Variants in ZNF391 observed in about 807,000 individuals in gnomAD.
The protein encoded by ZNF391 is zinc finger protein 391.
For missense variants in ZNF391, 375 were observed against 425.5 expected, an observed-to-expected ratio of 0.88 and a Z score of 1.04; for synonymous variants, 126 against 142.1, an observed-to-expected ratio of 0.89 and a Z score of 0.80.
chr6:27,395,357 C>T (rs1292149380), intron 1 of ZNF391, among the ~76,000 whole-genome samples: 1 of 151,538 alleles, frequency 6.6e-6, no homozygotes, highest in Non-Finnish European at 1.5e-5. Context: ...TGTGTAAAAG[C>T]GTGTCATCTC....
At chr6:27,398,752 G>A (rs576853246) in intron 1 of ZNF391, among the ~76,000 whole-genome samples, 6 of 152,184 alleles carry the variant, frequency 3.9e-5, no homozygotes, top group South Asian at 2.1e-4. Flanking sequence ...CCAGCTACTC[G>A]GGAGGCTGAG....
chr6:27,396,432 A>G (rs1262196553), intron 1 of ZNF391, among the ~76,000 whole-genome samples: 1 of 148,838 alleles, frequency 6.7e-6, no homozygotes, highest in Non-Finnish European at 1.5e-5. Flanking sequence ...AAACAAAAAA[A>G]TGTATATTTT....
chr6:27,393,352 C>T (rs1761757446), intron 1 of ZNF391, among the ~76,000 whole-genome samples: 1 of 152,160 alleles, frequency 6.6e-6, no homozygotes, highest in Non-Finnish European at 1.5e-5. Flanking sequence ...TACCTCTCCA[C>T]CTCTTCTCCT....
intron 1 of ZNF391, among the ~76,000 whole-genome samples, chr6:27,390,255 G>T (rs2113648380): frequency 6.6e-6 from 1 of 152,284 alleles, no homozygotes; most frequent in African/African-American, 2.4e-5. Context: ...AATGTCAAAA[G>T]AATTTTAGAT....
chr6:27,376,246 A>G lies in ZNF391; in HGVS notation n.523+1109A>G, dbSNP rs1761416183. On this transcript the variant is annotated intron_variant and non_coding_transcript_variant, in intron 1 of 2. Transcript: ENST00000477999. This position sits in a 1 kb window ranked among gnomAD's most constrained non-coding sequence, Gnocchi z 4.7. ...AGATTGTCAAGAATTTTGCTATTTG[A>G]AATGAATGAATTATTAATGAATTAT... Among the ~76,000 whole-genome samples the G allele has an allele frequency of 6.6e-6, 1 of 152,234 alleles. No homozygotes were observed. Among genetic ancestry groups the G allele is most frequent in the Non-Finnish European group, 1.5e-5 (1 of 68,044 alleles).
chr6:27,388,644 G>A (rs368157340), upstream of ZNF391: 2 of 316,210 alleles, frequency 6.3e-6, no homozygotes, highest in South Asian at 2.6e-5. Context: ...TCGCATACCA[G>A]GGGAGGGGCT....
upstream of ZNF391, among the ~76,000 whole-genome samples, chr6:27,387,610 T>C (rs1222470106): frequency 6.6e-6 from 1 of 152,238 alleles, no homozygotes; most frequent in Non-Finnish European, 1.5e-5. Flanking sequence ...GAAAACTTTA[T>C]GCTAATTAAA....
chr6:27,392,049 A>G lies in ZNF391; in HGVS notation c.-188+2974A>G, dbSNP rs533574269. Among the ~76,000 whole-genome samples the G allele has an allele frequency of 2.0e-5, 3 of 152,330 alleles. No homozygotes were observed. In the South Asian group the frequency reaches 6.2e-4, roughly 32 times the overall value. The stretch of plus-strand genomic sequence containing the variant: ...CTAGGTATCCGATAGCTTTGGACCA[A>G]TCAAGTCCAGCATCTTCATTTTGCA... On this transcript the variant is annotated intron_variant, in intron 1 of 2. Transcript: ENST00000244576.
chr6:27,392,922 A>G (rs1437036251), intron 1 of ZNF391, among the ~76,000 whole-genome samples: 1 of 152,234 alleles, frequency 6.6e-6, no homozygotes, highest in African/African-American at 2.4e-5. Flanking sequence ...TGTGAACAAT[A>G]AATGAGTCAA....
At chr6:27,392,778 A>G (rs901663059) in intron 1 of ZNF391, among the ~76,000 whole-genome samples, 1 of 152,258 alleles carries the variant, frequency 6.6e-6, no homozygotes, top group African/African-American at 2.4e-5. Context: ...GTTGAGAAGC[A>G]ACACATACTG....
At chr6:27,380,215 A>C (rs1761476111) in intron 1 of ZNF391, among the ~76,000 whole-genome samples, 1 of 152,230 alleles carries the variant, frequency 6.6e-6, no homozygotes. Flanking sequence ...CACTGACTTC[A>C]AGAACGAAGC....
At chr6:27,378,698 C>T (rs1761453323) in intron 1 of ZNF391, among the ~76,000 whole-genome samples, 1 of 152,164 alleles carries the variant, frequency 6.6e-6, no homozygotes, top group African/African-American at 2.4e-5. Flanking sequence ...TTAGCTTGGG[C>T]TCAGAGGCCT....
At chr6:27,381,031 A>G (rs2179362) in intron 1 of ZNF391, among the ~76,000 whole-genome samples, 109,540 of 152,240 alleles carry the variant, frequency 0.72, 39,570 homozygotes, top group Middle Eastern at 0.82. Flanking sequence ...CAGGGCTGCA[A>G]GTGGAGCTGC....
At chr6:27,393,271 C>T (rs1005972518) in intron 1 of ZNF391, among the ~76,000 whole-genome samples, 4 of 152,170 alleles carry the variant, frequency 2.6e-5, no homozygotes, top group African/African-American at 9.7e-5. Context: ...AGATTGATAC[C>T]TCAGAGCTTG....
At chr6:27,398,089 A>T (rs1484008009) in intron 1 of ZNF391, among the ~76,000 whole-genome samples, 1 of 152,148 alleles carries the variant, frequency 6.6e-6, no homozygotes, top group African/African-American at 2.4e-5. Flanking sequence ...TTCTCCATGC[A>T]TGGCTTCTTG....
At position 27,401,353 on chromosome 6, in the gene ZNF391, C is replaced by G. The variant is rs1761963840; in HGVS notation, c.983C>G (p.Thr328Ser). ...SSLIIHQRTH[T>S]GEKPYKCNDC... ...CTTATTATTCATCAGAGAACTCATA[C>G]CGGGGAGAAGCCGTACAAATGTAAT... Residue 328 changes from threonine (T) to serine (S), a missense_variant, in exon 3 of 3, where the codon ACC becomes AGC. Transcript: ENST00000244576. 2 of 1,613,898 alleles carry G rather than the reference C, an allele frequency of 1.2e-6. No individual in the cohort carries two copies. Among genetic ancestry groups the G allele is most frequent in the South Asian group, 1.1e-5 (1 of 91,082 alleles).
chr6:27,386,594 A>C (rs1327045523), upstream of ZNF391, among the ~76,000 whole-genome samples: 2 of 152,194 alleles, frequency 1.3e-5, no homozygotes. Context: ...GCCCAGAAAT[A>C]AACCTCACAT....
At chr6:27,391,174 TG>T (rs1187551567) in intron 1 of ZNF391, 1 of 150,578 alleles carries the variant, frequency 6.6e-6, no homozygotes, top group East Asian at 1.9e-4. Flanking sequence ...TGAGAGGAGA[TG>T]GGATTACTTT....
At position 27,400,323 on chromosome 6, in the gene ZNF391, A is replaced by G. The variant is rs1208407397; in HGVS notation, c.-48A>G. 1 of 1,463,622 alleles carries G rather than the reference A, an allele frequency of 6.8e-7. No individual in the cohort carries two copies. The highest frequency in any genetic ancestry group is 9.3e-7 in the Non-Finnish European group (1 of 1,079,522). The allele number at this position is 1,463,622 out of a possible 1,614,324, so 90.7% of individuals were successfully genotyped here. On this transcript the variant is annotated 5_prime_UTR_variant, in exon 3 of 3. Transcript: ENST00000244576. ...GGGATTTGAGCTGAACCAAAGCATCAACACCAATCAGACTGTTTCCGAAGA... is the reference window on the plus strand; with the variant it reads ...GGGATTTGAGCTGAACCAAAGCATCGACACCAATCAGACTGTTTCCGAAGA...
Sources: gnomAD v4.1 joint callset for allele counts (sites outside exome capture counted in the v4.1 genomes callset) on GRCh38, gnomAD v4.1.1 for gene constraint, Gnocchi (gnomAD v3.1) non-coding constraint, MANE v1.5 for transcripts, NCBI Gene and HGNC (gene_info 2026-07-23, HGNC 2026-07-21) for gene names.